NFASC: variants seen among roughly 807,000 people sequenced by gnomAD.
NFASC encodes the protein neurofascin homolog.
A neutral mutation model predicts 147.5 loss-of-function variants in NFASC; 43 were observed. The ratio of observed to expected loss-of-function variants is 0.29; its 90% CI spans 0.23 to 0.38. NFASC has a LOEUF of 0.38. Among genes scored for constraint, NFASC ranks in the 10% least tolerant of loss-of-function variants. The probability of loss-of-function intolerance (pLI) is 1.00; values close to 1 mark genes in which losing one functional copy is unlikely to be tolerated. For synonymous variants in NFASC, 622 were observed against 665.5 expected, an observed-to-expected ratio of 0.93 and a Z score of 1.01; for missense variants, 1,320 against 1,689.0, an observed-to-expected ratio of 0.78 and a Z score of 3.83.
rs2096382099 is a variant in NFASC, at chr1:205,018,978, T to A, written c.*2439T>A. On this transcript the variant is annotated 3_prime_UTR_variant, in exon 30 of 30. Transcript: ENST00000339876. ...CTGCCAGGCTCTGTACTGTCCTTTG[T>A]GTATGAAGAAAATGCTGTTAGCCCT... 6.6e-6 allele frequency: 1 copy of A among 152,278 alleles called. No individual in the cohort carries two copies. Among genetic ancestry groups the A allele is most frequent in the African/African-American group, 2.4e-5 (1 of 41,440 alleles). The allele number at this position is 152,278 out of a possible 1,614,324, so 9.4% of individuals were successfully genotyped here. A position where few individuals can be genotyped will look rare whatever the true frequency, so the allele number is the denominator to read the frequency against.
chr1:204,925,578 G>A (rs2091348053), intron 2 of NFASC, among the ~76,000 whole-genome samples: 2 of 152,208 alleles, frequency 1.3e-5, no homozygotes, highest in Non-Finnish European at 2.9e-5. Context: ...AAAAGTAAAA[G>A]GCTCTTCCTT....
At chr1:204,974,873 A>G (rs1436698142) in intron 14 of NFASC, 50 bp downstream of exon 14, 36 of 1,562,028 alleles carry the variant, frequency 2.3e-5, no homozygotes, top group Non-Finnish European at 3.2e-5. Flanking sequence ...CAAGGAGGCC[A>G]TGCTGGCAGT....
At chr1:204,861,301 T>C (rs1440978393) in intron 1 of NFASC, among the ~76,000 whole-genome samples, 3 of 151,952 alleles carry the variant, frequency 2.0e-5, no homozygotes, top group Non-Finnish European at 4.4e-5. Flanking sequence ...GTTGCCCAGA[T>C]TGGCCTGCAA....
intron 1 of NFASC, among the ~76,000 whole-genome samples, chr1:204,914,900 C>T (rs981951991): frequency 2.6e-5 from 4 of 152,156 alleles, no homozygotes; most frequent in African/African-American, 9.7e-5. Flanking sequence ...GAAATGATTA[C>T]AAGCAACCTA....
chr1:205,006,694 C>A (rs1017875171), intron 27 of NFASC, among the ~76,000 whole-genome samples: 13 of 152,074 alleles, frequency 8.5e-5, no homozygotes, highest in African/African-American at 2.9e-4. Flanking sequence ...GTGAGGGGAC[C>A]CCTGGAATAG....
intron 1 of NFASC, among the ~76,000 whole-genome samples, chr1:204,846,008 G>A (rs941188371): frequency 9.2e-5 from 14 of 152,126 alleles, no homozygotes; most frequent in African/African-American, 2.9e-4. Flanking sequence ...CTTCATGCTG[G>A]CCACACCTAC....
At chr1:204,880,441 C>T (rs560049036) in intron 1 of NFASC, among the ~76,000 whole-genome samples, 14 of 152,208 alleles carry the variant, frequency 9.2e-5, no homozygotes, top group East Asian at 3.9e-4. Flanking sequence ...CTGCAAGCTC[C>T]GCCTCCCAGG....
chr1:204,987,237 T>A lies in NFASC; in HGVS notation c.2471-181T>A. On this transcript the variant is annotated intron_variant, in intron 21 of 29. Transcript: ENST00000339876. This position sits in a 1 kb window ranked among gnomAD's most constrained non-coding sequence, Gnocchi z 4.4. ...GTCCTCAGACCTGAAGGAAATAGCA[T>A]CCTGGATGGGGCAATGGGCTCCGGT... 1.7e-6 allele frequency: 1 copy of A among 605,678 alleles called. No homozygotes were observed. The highest frequency in any genetic ancestry group is 2.9e-6 in the Non-Finnish European group (1 of 341,828). 37.5% of individuals were successfully genotyped at this position (605,678 alleles called of 1,614,324 possible). A position where few individuals can be genotyped will look rare whatever the true frequency, so the allele number is the denominator to read the frequency against.
chr1:204,832,086 G>C (rs1409564130), intron 1 of NFASC, among the ~76,000 whole-genome samples: 1 of 152,164 alleles, frequency 6.6e-6, no homozygotes, highest in Non-Finnish European at 1.5e-5. Context: ...GACAAGATGA[G>C]GTTCAAGGTG....
At chr1:204,883,162 G>T (rs951676095) in intron 1 of NFASC, among the ~76,000 whole-genome samples, 4 of 152,150 alleles carry the variant, frequency 2.6e-5, no homozygotes, top group African/African-American at 4.8e-5. Context: ...TGGATGACTC[G>T]CACTGGGAGC....
chr1:204,976,747 A>G lies in NFASC; in HGVS notation c.1783A>G (p.Ser595Gly). 1 of 1,614,108 alleles carries G rather than the reference A, an allele frequency of 6.2e-7. No individual in the cohort carries two copies. The part of the protein sequence containing the change: ...RDQGSYTCVA[S>G]TELDQDLAKA... Reference sequence around the variant, plus strand: ...CCAGGGCAGTTACACGTGTGTCGCCAGCACCGAGCTAGACCAAGACCTGGC... The same window carrying G: ...CCAGGGCAGTTACACGTGTGTCGCCGGCACCGAGCTAGACCAAGACCTGGC... Residue 595 changes from serine (S) to glycine (G), a missense_variant, in exon 16 of 30, where the codon AGC becomes GGC. By Grantham distance (56) the Ser-to-Gly change is moderately conservative (BLOSUM62 0). This residue lies in a region of NFASC where 981 missense variants were observed against 1,289.5 expected (regional missense o/e 0.76). Coordinates refer to ENST00000339876, the MANE Select transcript of NFASC (RefSeq NM_001005388.3).
chr1:205,003,568 C>T (rs186204335), intron 27 of NFASC, among the ~76,000 whole-genome samples: 34 of 151,944 alleles, frequency 2.2e-4, no homozygotes, highest in African/African-American at 5.8e-4. Flanking sequence ...GCCAAGTGGC[C>T]GGTATGCTAA....
chr1:204,881,766 C>T (rs2080290248), intron 1 of NFASC, among the ~76,000 whole-genome samples: 1 of 152,170 alleles, frequency 6.6e-6, no homozygotes, highest in Non-Finnish European at 1.5e-5. Flanking sequence ...AGCCAGGTTC[C>T]TGAACCTTCC....
At chr1:204,839,419 G>A (rs1466413129) in intron 1 of NFASC, among the ~76,000 whole-genome samples, 2 of 143,412 alleles carry the variant, frequency 1.4e-5, no homozygotes, top group Non-Finnish European at 3.1e-5. Context: ...ACACACACAC[G>A]ATAGGGAAAA....
chr1:204,993,758 T>C (rs779317876), intron 24 of NFASC: 1 of 517,576 alleles, frequency 1.9e-6, no homozygotes, highest in Non-Finnish European at 3.9e-6. Flanking sequence ...AATGACATCC[T>C]AGCCCAGTCA....
rs753280176 is a variant in NFASC at position 204,973,229 on chromosome 1, C to T, written c.1136-47C>T. On this transcript the variant is annotated intron_variant, in intron 11 of 29. Coordinates refer to ENST00000339876, the MANE Select transcript of NFASC (RefSeq NM_001005388.3). ...GGCCAGAGCCCCAAGTGCCCTTCAC[C>T]CTGCCCTCCCCATCTCTCATGAGGA... The T allele has an allele frequency of 2.5e-6, 4 of 1,608,072 alleles. No homozygotes were observed. In the Admixed American group the frequency reaches 6.7e-5, roughly 27 times the overall value.
intron 28 of NFASC, 187 bp from the exon 29 acceptor site, chr1:205,012,610 G>T (rs2096273456): frequency 3.2e-6 from 2 of 618,064 alleles, no homozygotes; most frequent in Non-Finnish European, 5.9e-6. Context: ...GGAGGAGGCA[G>T]AGTCAACTTG....
At position 205,010,360 on chromosome 1, in the gene NFASC, G is replaced by A. The variant is rs889093180; in HGVS notation, c.3421+672G>A. Reference sequence around the variant, plus strand: ...TAATCCCAGCACTTCGGGAGGCCAAGGTGAGCAGGTCACTTAAGGTCAGGA... The same window carrying A: ...TAATCCCAGCACTTCGGGAGGCCAAAGTGAGCAGGTCACTTAAGGTCAGGA... On this transcript the variant is annotated intron_variant, in intron 28 of 29. Transcript: ENST00000339876. This position sits in a 1 kb window ranked among gnomAD's most constrained non-coding sequence, Gnocchi z 4.1. The A allele has an allele frequency of 2.6e-5, 4 of 152,380 alleles. No individual in the cohort carries two copies. Among genetic ancestry groups the A allele is most frequent in the African/African-American group, 9.7e-5 (4 of 41,442 alleles). The allele number at this position is 152,380 out of a possible 1,614,324, so 9.4% of individuals were successfully genotyped here. A position where few individuals can be genotyped will look rare whatever the true frequency, so the allele number is the denominator to read the frequency against.
intron 7 of NFASC, among the ~76,000 whole-genome samples, chr1:204,955,579 G>C (rs1215524171): frequency 6.6e-6 from 1 of 152,106 alleles, no homozygotes; most frequent in African/African-American, 2.4e-5. Flanking sequence ...GATTGTTCTG[G>C]CTCAATTTTG....
Sources: allele counts gnomAD v4.1 joint callset (sites outside exome capture counted in the v4.1 genomes callset), GRCh38; gene constraint gnomAD v4.1.1; regional missense constraint gnomAD v4.1.1; non-coding constraint Gnocchi (gnomAD v3.1); transcripts MANE v1.5; gene names NCBI Gene and HGNC (gene_info 2026-07-23, HGNC 2026-07-21).